Variants in TUNAR observed in about 807,000 individuals in gnomAD.
TUNAR encodes protein TUNAR.
chr14:95,900,855 G>A (rs747580331), intron 2 of TUNAR, among the ~76,000 whole-genome samples: 1 of 152,288 alleles, frequency 6.6e-6, no homozygotes, highest in Middle Eastern at 3.4e-3. Flanking sequence ...TCTCCACATC[G>A]CCATTTTGTG....
At chr14:95,912,226 G>A (rs1357280704) in intron 2 of TUNAR, among the ~76,000 whole-genome samples, 1 of 152,176 alleles carries the variant, frequency 6.6e-6, no homozygotes, top group Non-Finnish European at 1.5e-5. Context: ...TCCTAAACAA[G>A]TAAGGTTTTA....
intron 2 of TUNAR, among the ~76,000 whole-genome samples, chr14:95,899,905 C>T (rs140277713): frequency 2.2e-4 from 33 of 152,222 alleles, no homozygotes; most frequent in Non-Finnish European, 4.4e-4. Flanking sequence ...TGGAAGAAAC[C>T]ATTAAACCAT....
intron 2 of TUNAR, among the ~76,000 whole-genome samples, chr14:95,910,325 A>C (rs948340854): frequency 2.6e-5 from 4 of 152,242 alleles, no homozygotes; most frequent in African/African-American, 9.6e-5. Flanking sequence ...CAGCCTGGGC[A>C]GCAGAGTGAG....
exon 3 of TUNAR, chr14:95,924,644 T>C (rs1889756042): frequency 6.6e-6 from 1 of 152,226 alleles, no homozygotes; most frequent in Non-Finnish European, 1.5e-5. Context: ...GAAGTGAACA[T>C]GTGCAAGGAG....
At chr14:95,897,193 C>T (rs1008687398) in intron 2 of TUNAR, among the ~76,000 whole-genome samples, 2 of 152,168 alleles carry the variant, frequency 1.3e-5, no homozygotes, top group African/African-American at 4.8e-5. Context: ...ACTTTGTCCC[C>T]ACTTTGTGTG....
At chr14:95,881,607 C>G (rs1195158736) in intron 2 of TUNAR, among the ~76,000 whole-genome samples, 2 of 152,210 alleles carry the variant, frequency 1.3e-5, no homozygotes, top group Non-Finnish European at 2.9e-5. Flanking sequence ...TTAGGAGTTT[C>G]TGGGACTCGG....
intron 2 of TUNAR, among the ~76,000 whole-genome samples, chr14:95,913,559 C>T (rs1419585350): frequency 6.6e-6 from 1 of 152,154 alleles, no homozygotes; most frequent in Non-Finnish European, 1.5e-5. Context: ...TGGCAAGGGA[C>T]AAACTCCATT....
At chr14:95,924,400 C>T (rs533809637) in exon 3 of TUNAR, 23 of 152,378 alleles carry the variant, frequency 1.5e-4, no homozygotes, top group African/African-American at 5.3e-4. Flanking sequence ...CCTTCTGGCT[C>T]CCTGAAATGG....
intron 2 of TUNAR, among the ~76,000 whole-genome samples, chr14:95,921,399 G>A (rs964956056): frequency 6.6e-6 from 1 of 152,174 alleles, no homozygotes. Flanking sequence ...ACAAGTGGAC[G>A]GGCTGCCACC....
chr14:95,900,339 A>G (rs558069033), intron 2 of TUNAR, among the ~76,000 whole-genome samples: 1 of 152,298 alleles, frequency 6.6e-6, no homozygotes, highest in South Asian at 2.1e-4. Flanking sequence ...GAAAGGAGCG[A>G]TGAATTGTGC....
chr14:95,879,043 T>C (rs1274817849), intron 2 of TUNAR, among the ~76,000 whole-genome samples: 1 of 152,212 alleles, frequency 6.6e-6, no homozygotes, highest in Non-Finnish European at 1.5e-5. Context: ...TAGCGATGCG[T>C]GGAGCCGGCC....
intron 2 of TUNAR, among the ~76,000 whole-genome samples, chr14:95,907,338 G>A (rs997633098): frequency 3.3e-5 from 5 of 152,188 alleles, no homozygotes; most frequent in Admixed American, 6.5e-5. Flanking sequence ...CAGTTGCAAG[G>A]GAAATGTATA....
chr14:95,888,248 A>G (rs953078116), intron 2 of TUNAR, among the ~76,000 whole-genome samples: 3 of 152,344 alleles, frequency 2.0e-5, no homozygotes, highest in Non-Finnish European at 2.9e-5. Context: ...TTACTGGGGT[A>G]GGGACCCTGT....
chr14:95,880,943 G>A (rs1050989613), intron 2 of TUNAR, among the ~76,000 whole-genome samples: 2 of 152,192 alleles, frequency 1.3e-5, no homozygotes, highest in Non-Finnish European at 2.9e-5. Flanking sequence ...CAGGCTCAGA[G>A]AGCTGAAGTG....
chr14:95,905,071 T>A (rs1263574667), intron 2 of TUNAR, among the ~76,000 whole-genome samples: 1 of 152,232 alleles, frequency 6.6e-6, no homozygotes, highest in East Asian at 1.9e-4. Flanking sequence ...AAGGCCCTGG[T>A]GGTTTGGTCT....
At chr14:95,911,605 C>A (rs1019881468) in intron 2 of TUNAR, among the ~76,000 whole-genome samples, 1 of 152,212 alleles carries the variant, frequency 6.6e-6, no homozygotes, top group Non-Finnish European at 1.5e-5. Flanking sequence ...CAGGCAGGAG[C>A]TTGCCATCGT....
chr14:95,899,717 G>C (rs1000049082), intron 2 of TUNAR, among the ~76,000 whole-genome samples: 1 of 152,080 alleles, frequency 6.6e-6, no homozygotes, highest in African/African-American at 2.4e-5. Flanking sequence ...GTGGAGAGCT[G>C]TCTTCTGGGG....
At chr14:95,914,438 T>C (rs186269284) in intron 2 of TUNAR, among the ~76,000 whole-genome samples, 254 of 152,320 alleles carry the variant, frequency 1.7e-3, no homozygotes, top group African/African-American at 5.8e-3. Flanking sequence ...GTGGTTCTTA[T>C]TAGCATCCAT....
intron 2 of TUNAR, among the ~76,000 whole-genome samples, chr14:95,896,783 G>T (rs958213147): frequency 5.3e-5 from 8 of 152,242 alleles, no homozygotes; most frequent in African/African-American, 1.9e-4. Context: ...TCATGCGGCA[G>T]CAGAGTACTC....
Sources: allele counts gnomAD v4.1 joint callset (sites outside exome capture counted in the v4.1 genomes callset), GRCh38; gene constraint gnomAD v4.1.1; transcripts MANE v1.5; gene names NCBI Gene and HGNC (gene_info 2026-07-23, HGNC 2026-07-21).